PIEZO2: variants seen among roughly 807,000 people sequenced by gnomAD.
PIEZO2 encodes the protein piezo type mechanosensitive ion channel component 2.
Under a neutral mutation model 337.3 loss-of-function variants are expected in PIEZO2, and 172 were observed. The ratio of observed to expected loss-of-function variants is 0.51; its 90% CI spans 0.45 to 0.58. The LOEUF is 0.58. PIEZO2 is among the 20% of genes least tolerant of loss of function. The pLI, the probability that PIEZO2 is intolerant of heterozygous loss-of-function variation, is 0.00. For missense variants in PIEZO2, 3,028 were observed against 3,391.3 expected (o/e 0.89, Z 2.66); for synonymous variants, 1,251 against 1,228.5 (o/e 1.02, Z -0.38).
chr18:11,034,553 A>G (rs1234338720), intron 2 of PIEZO2, among the ~76,000 whole-genome samples: 4 of 152,174 alleles, frequency 2.6e-5, no homozygotes, highest in Admixed American at 2.0e-4. Context: ...TCGGCCTCCC[A>G]AAGTGCTGGG....
At chr18:10,791,414 G>A (rs1162378566) in intron 13 of PIEZO2, 90 bp from the exon 14 acceptor site, 1 of 1,332,122 alleles carries the variant, frequency 7.5e-7, no homozygotes, top group Non-Finnish European at 9.8e-7. Flanking sequence ...CCGCATTCCA[G>A]TGGGAGCACA....
In PIEZO2 at chr18:10,931,713, T is replaced by A. The variant is rs113287242; in HGVS notation, c.287-20485A>T. ...TCTCTGTGTGGTGTGTGTGTGTGTG[T>A]GAGAGAGAGAGAGAGAGAGAGAGAG... On this transcript the variant is annotated intron_variant, in intron 3 of 55. Transcript: ENST00000674853. 6.3e-4 allele frequency among the ~76,000 whole-genome samples: 93 copies of A among 147,860 alleles called. No homozygotes were observed. The South Asian group carries it at 8.5e-3, about 13-fold the overall frequency.
At chr18:10,827,514 T>C (rs2040711629) in intron 7 of PIEZO2, among the ~76,000 whole-genome samples, 1 of 151,802 alleles carries the variant, frequency 6.6e-6, no homozygotes, top group African/African-American at 2.4e-5. Context: ...TTTTTCTCTC[T>C]CTGCTCCCCC....
chr18:10,789,040 G>A, intron 15 of PIEZO2, 39 bp downstream of exon 15: 1 of 1,509,104 alleles, frequency 6.6e-7, no homozygotes, highest in Non-Finnish European at 8.8e-7. Flanking sequence ...ATACTCCTGG[G>A]AGAGATGTGA....
At chr18:10,802,993 T>G (rs959286391) in intron 9 of PIEZO2, among the ~76,000 whole-genome samples, 1 of 150,242 alleles carries the variant, frequency 6.7e-6, no homozygotes, top group Non-Finnish European at 1.5e-5. Context: ...AAAAAAGGTA[T>G]TTTAATAATC....
intron 3 of PIEZO2, among the ~76,000 whole-genome samples, chr18:10,961,612 G>C (rs1018497638): frequency 1.3e-5 from 2 of 152,048 alleles, no homozygotes; most frequent in Non-Finnish European, 2.9e-5. Flanking sequence ...ATTTCAAAAA[G>C]AGTCAGCTTG....
At chr18:10,763,978 G>A (rs2038248301) in intron 21 of PIEZO2, among the ~76,000 whole-genome samples, 1 of 152,136 alleles carries the variant, frequency 6.6e-6, no homozygotes, top group South Asian at 2.1e-4. Flanking sequence ...GGATAACAGT[G>A]CCATTACTGA....
intron 21 of PIEZO2, among the ~76,000 whole-genome samples, chr18:10,765,645 T>A (rs1009031231): frequency 6.6e-6 from 1 of 151,652 alleles, no homozygotes; most frequent in Non-Finnish European, 1.5e-5. Flanking sequence ...ACTCAAGAAG[T>A]GGGGTCAGGC....
intron 4 of PIEZO2, among the ~76,000 whole-genome samples, chr18:10,873,687 A>G (rs544344474): frequency 4.2e-4 from 64 of 152,314 alleles, no homozygotes; most frequent in African/African-American, 1.5e-3. Flanking sequence ...TATAATATAC[A>G]TAAAAATTAA....
Position 10,979,306 on chromosome 18 carries a change from C to T in PIEZO2, c.286+229G>A, listed in dbSNP as rs114985760. On this transcript the variant is annotated intron_variant, in intron 3 of 55. Transcript: ENST00000674853. The surrounding 1 kb of genome is among the most constrained non-coding windows in gnomAD (Gnocchi z 4.0). ...CTTACATGCAGATAGGAGGTGATCT[C>T]CAATACATGCTGAAGAGTCATTCAT... Among the ~76,000 whole-genome samples the T allele has an allele frequency of 0.011, 1,674 of 151,870 alleles. 32 individuals are homozygous for T. The highest frequency in any genetic ancestry group is 0.038 in the African/African-American group (1,566 of 41,414).
intron 13 of PIEZO2, among the ~76,000 whole-genome samples, chr18:10,793,479 A>C (rs770635618): frequency 2.6e-5 from 4 of 152,198 alleles, no homozygotes; most frequent in Non-Finnish European, 5.9e-5. Flanking sequence ...TGTTAATTTT[A>C]GATTCGACAG....
rs961459451 is a variant in PIEZO2 at position 10,973,662 on chromosome 18, G to T, written c.286+5873C>A. 1.3e-5 allele frequency among the ~76,000 whole-genome samples: 2 copies of T among 152,144 alleles called. No individual in the cohort carries two copies. The highest frequency in any genetic ancestry group is 4.8e-5 in the African/African-American group (2 of 41,450). ...ATCTGCTTTCAGGAAGCTGGCCCGA[G>T]GAGAGAAGAAGGCTGTGTGTTGTGC... On this transcript the variant is annotated intron_variant, in intron 3 of 55. Transcript: ENST00000674853. This position sits in a 1 kb window ranked among gnomAD's most constrained non-coding sequence, Gnocchi z 4.9.
At chr18:10,928,981 T>C (rs2031923405) in intron 3 of PIEZO2, among the ~76,000 whole-genome samples, 1 of 152,220 alleles carries the variant, frequency 6.6e-6, no homozygotes. Context: ...AATGGTTTAA[T>C]TCAAATGCAT....
intron 7 of PIEZO2, among the ~76,000 whole-genome samples, chr18:10,845,907 C>A (rs35004375): frequency 6.6e-6 from 1 of 152,080 alleles, no homozygotes; most frequent in Non-Finnish European, 1.5e-5. Context: ...GCAAACACCA[C>A]GTTAAGAACC....
At chr18:10,997,524 T>A (rs1048538590) in intron 2 of PIEZO2, among the ~76,000 whole-genome samples, 1 of 152,108 alleles carries the variant, frequency 6.6e-6, no homozygotes, top group African/African-American at 2.4e-5. Context: ...GTAAACCATG[T>A]TGAAATAAAT....
chr18:10,675,892 GCC>G (rs1157543902), intron 53 of PIEZO2, among the ~76,000 whole-genome samples: 4 of 152,244 alleles, frequency 2.6e-5, no homozygotes. Context: ...GTGCTCCCTT[GCC>G]CACCGCCATG....
At chr18:11,098,233 C>A (rs78389362) in intron 1 of PIEZO2, among the ~76,000 whole-genome samples, 1,711 of 150,230 alleles carry the variant, frequency 0.011, 11 homozygotes, top group Middle Eastern at 0.034. Context: ...TTGGAAAATT[C>A]AGAAGCAAGA....
rs1201241577 is a variant in PIEZO2 at position 10,784,595 on chromosome 18, C to A, written c.2492+189G>T. On this transcript the variant is annotated intron_variant, in intron 17 of 55. Transcript: ENST00000674853. This position sits in a 1 kb window ranked among gnomAD's most constrained non-coding sequence, Gnocchi z 4.5. ...TACATTAACCAGTCATAAGTCACTA[C>A]CCATTGTTTCAGAACGTGTCACAGA... Among the ~76,000 whole-genome samples the A allele has an allele frequency of 1.6e-4, 24 of 152,208 alleles. No individual in the cohort carries two copies. Among genetic ancestry groups the A allele is most frequent in the Non-Finnish European group, 1.5e-5 (1 of 68,050 alleles).
chr18:10,900,062 C>T (rs531053032), intron 4 of PIEZO2, among the ~76,000 whole-genome samples: 16 of 152,032 alleles, frequency 1.1e-4, no homozygotes, highest in Non-Finnish European at 2.1e-4. Flanking sequence ...TCACCAAACA[C>T]TTATTAAATT....
Sources: allele counts gnomAD v4.1 joint callset (sites outside exome capture counted in the v4.1 genomes callset), GRCh38; gene constraint gnomAD v4.1.1; non-coding constraint Gnocchi (gnomAD v3.1); transcripts MANE v1.5; gene names NCBI Gene and HGNC (gene_info 2026-07-23, HGNC 2026-07-21).